The following DAB2IP variants were observed in gnomAD, a reference collection of about 807,000 sequenced individuals.
DAB2IP encodes DAB2 interacting protein, also known as disabled homolog 2-interacting protein.
In DAB2IP, 28 loss-of-function variants were observed where a neutral mutation model predicts 107.2. That is an observed-to-expected ratio of 0.26 (90% CI 0.19 to 0.36). The LOEUF is 0.36. DAB2IP is among the 10% of genes least tolerant of loss of function. The pLI is 1.00. For synonymous variants in DAB2IP, 755 were observed against 706.4 expected, an observed-to-expected ratio of 1.07 and a Z score of -1.09; for missense variants, 1,400 against 1,644.7, an observed-to-expected ratio of 0.85 and a Z score of 2.57.
intron 3 of DAB2IP, among the ~76,000 whole-genome samples, chr9:121,707,176 G>A (rs1023705811): frequency 1.3e-5 from 2 of 152,304 alleles, no homozygotes; most frequent in East Asian, 3.9e-4. Flanking sequence ...AGCACTTTGC[G>A]CCCTGTGCCA....
chr9:121,578,045 C>G (rs1231112118), intron 1 of DAB2IP, among the ~76,000 whole-genome samples: 4 of 152,076 alleles, frequency 2.6e-5, no homozygotes, highest in African/African-American at 9.7e-5. Context: ...GCCAGGGCAC[C>G]AGGGAATCTG....
intron 1 of DAB2IP, among the ~76,000 whole-genome samples, chr9:121,656,708 G>A (rs1329964410): frequency 6.6e-6 from 1 of 152,128 alleles, no homozygotes; most frequent in Non-Finnish European, 1.5e-5. Flanking sequence ...CTGGCAATGA[G>A]CTCAACTCTG....
At chr9:121,740,522 C>A (rs754510023) in intron 3 of DAB2IP, among the ~76,000 whole-genome samples, 3 of 152,170 alleles carry the variant, frequency 2.0e-5, no homozygotes, top group Admixed American at 2.0e-4. Context: ...CTGGAAGGCT[C>A]CTTTATGTGT....
upstream of DAB2IP, among the ~76,000 whole-genome samples, chr9:121,649,777 G>A (rs2119055510): frequency 6.6e-6 from 1 of 152,336 alleles, no homozygotes; most frequent in South Asian, 2.1e-4. Flanking sequence ...ATGCTAACAA[G>A]GCCCCCAGCT....
chr9:121,709,944 G>T (rs577263137), intron 3 of DAB2IP, among the ~76,000 whole-genome samples: 27 of 152,176 alleles, frequency 1.8e-4, no homozygotes, highest in South Asian at 8.3e-4. Flanking sequence ...CATCCTATGC[G>T]CCAGGCCCTG....
intron 4 of DAB2IP, among the ~76,000 whole-genome samples, chr9:121,758,025 C>T (rs1014909849): frequency 2.6e-5 from 4 of 152,272 alleles, no homozygotes; most frequent in Admixed American, 2.0e-4. Flanking sequence ...TGGTTCAGGA[C>T]TCCTGGCCAA....
chr9:121,640,887 T>C (rs76861906), intron 1 of DAB2IP, among the ~76,000 whole-genome samples: 4,782 of 152,206 alleles, frequency 0.031, 253 homozygotes, highest in African/African-American at 0.11. Flanking sequence ...CTCAGGGCAA[T>C]GGGGGGCTGG....
chr9:121,770,460 G>A (rs1834634053), intron 10 of DAB2IP, 86 bp from the exon 11 acceptor site: 2 of 1,466,294 alleles, frequency 1.4e-6, no homozygotes, highest in Non-Finnish European at 1.9e-6. Context: ...GCTCCGCAGT[G>A]GTTTTGAGCC....
chr9:121,757,383 A>G (rs1341762507), intron 4 of DAB2IP, among the ~76,000 whole-genome samples: 1 of 152,164 alleles, frequency 6.6e-6, no homozygotes, highest in African/African-American at 2.4e-5. Flanking sequence ...TTCTCTGGAA[A>G]TGGGCCAGCA....
rs112456514 is a variant in DAB2IP, at chr9:121,587,687, T to C, written c.40+20459T>C. Among the ~76,000 whole-genome samples the C allele has an allele frequency of 9.2e-4, 138 of 149,814 alleles. 1 individual carries two copies. The highest frequency in any genetic ancestry group is 1.8e-3 in the Non-Finnish European group (123 of 67,640). ...GAAACAGAGGGCCTCAAATGACCAATTGAGGGTTTGGACAATGGGGAGCCA... is the reference window on the plus strand; with the variant it reads ...GAAACAGAGGGCCTCAAATGACCAACTGAGGGTTTGGACAATGGGGAGCCA... On this transcript the variant is annotated intron_variant, in intron 1 of 16. Coordinates refer to the DAB2IP transcript ENST00000259371.
At chr9:121,578,644 T>C (rs1354069038) in intron 1 of DAB2IP, among the ~76,000 whole-genome samples, 3 of 146,722 alleles carry the variant, frequency 2.0e-5, no homozygotes, top group Admixed American at 2.0e-4. Context: ...CCTCCCTTGC[T>C]GGCCCTTTCT....
At chr9:121,711,733 A>G (rs1295829069) in intron 3 of DAB2IP, among the ~76,000 whole-genome samples, 1 of 152,178 alleles carries the variant, frequency 6.6e-6, no homozygotes. Flanking sequence ...TAGGTCCTCA[A>G]TATCATTCCT....
chr9:121,734,605 C>A (rs1831762395), intron 3 of DAB2IP, among the ~76,000 whole-genome samples: 1 of 152,130 alleles, frequency 6.6e-6, no homozygotes, highest in Non-Finnish European at 1.5e-5. Context: ...AGGAAAAGGC[C>A]CTGTTATGGG....
In DAB2IP at chr9:121,776,391, G is replaced by C; in HGVS notation, c.3314G>C (p.Arg1105Thr). ...ATCCAGATGAAGGGCATCATCAGCA[G>C]GTGGGGCCCACACCTGCCTGGCCTG... Residue 1105 changes from arginine (R) to threonine (T), a missense_variant and splice_region_variant, in exon 14 of 16, where the codon AGG (arginine) becomes ACG (threonine). Coordinates refer to ENST00000408936, the Ensembl canonical transcript of DAB2IP. The surrounding 1 kb of genome is among the most constrained non-coding windows in gnomAD (Gnocchi z 5.4). 6.5e-7 allele frequency: 1 copy of C among 1,535,706 alleles called. No homozygotes were observed.
Position 121,608,352 on chromosome 9 carries a change from T to G in DAB2IP, c.40+41124T>G, listed in dbSNP as rs1357367520. Among the ~76,000 whole-genome samples the G allele has an allele frequency of 2.0e-5, 3 of 152,062 alleles. No individual in the cohort carries two copies. The East Asian group carries it at 5.8e-4, about 29-fold the overall frequency. On this transcript the variant is annotated intron_variant, in intron 1 of 16. Coordinates refer to the DAB2IP transcript ENST00000259371. ...CCCTGAGGTCTGTGTTTTATATTCT[T>G]AGGAGAAGCCAGATGAGAGTCAACA... is the stretch of plus-strand genomic sequence containing the variant.
At position 121,607,963 on chromosome 9, in the gene DAB2IP, G is replaced by A. The variant is rs1422917782; in HGVS notation, c.40+40735G>A. Among the ~76,000 whole-genome samples, 4 of 152,358 alleles carry A rather than the reference G, an allele frequency of 2.6e-5. No individual in the cohort carries two copies. The East Asian group carries it at 7.7e-4, about 29-fold the overall frequency. ...TGGAAGCAGGCCCTGGCCAGAGCAG[G>A]GACCTCAGAGCCTTTCCCGGCAGAG... is the stretch of plus-strand genomic sequence containing the variant. On this transcript the variant is annotated intron_variant, in intron 1 of 16. Transcript: ENST00000259371.
chr9:121,570,235 C>T (rs991405068), intron 1 of DAB2IP, among the ~76,000 whole-genome samples: 19 of 151,374 alleles, frequency 1.3e-4, no homozygotes, highest in Non-Finnish European at 2.1e-4. Flanking sequence ...ACCTCAGCCT[C>T]CCGAGTAGCT....
chr9:121,774,332 T>C (rs1299258576), exon 13 of DAB2IP: 1 of 1,613,390 alleles, frequency 6.2e-7, no homozygotes, highest in East Asian at 2.2e-5. Context: ...CGCGCAGTTG[T>C]TAGAAGACGA....
intron 3 of DAB2IP, among the ~76,000 whole-genome samples, chr9:121,730,193 C>G (rs1831448431): frequency 6.6e-6 from 1 of 152,224 alleles, no homozygotes; most frequent in African/African-American, 2.4e-5. Context: ...AAATAAGCAA[C>G]AGTAAGCCTG....
Sources: gnomAD v4.1 joint callset for allele counts (sites outside exome capture counted in the v4.1 genomes callset) on GRCh38, gnomAD v4.1.1 for gene constraint, Gnocchi (gnomAD v3.1) non-coding constraint, MANE v1.5 for transcripts, NCBI Gene and HGNC (gene_info 2026-07-23, HGNC 2026-07-21) for gene names.